The following MYO16 variants were observed in gnomAD, a reference collection of about 807,000 sequenced individuals.
MYO16 encodes myosin XVI.
A neutral mutation model predicts 205.3 loss-of-function variants in MYO16; 94 were observed. That is an observed-to-expected ratio of 0.46 (90% CI 0.39 to 0.54). The LOEUF (loss-of-function observed/expected upper bound fraction) is 0.54, where lower values mean the gene tolerates loss of function less well. Among genes scored for constraint, MYO16 ranks in the 20% least tolerant of loss-of-function variants. The pLI is 0.00. For missense variants in MYO16, 2,315 were observed against 2,387.5 expected, an observed-to-expected ratio of 0.97 and a Z score of 0.63; for synonymous variants, 988 against 954.0, an observed-to-expected ratio of 1.04 and a Z score of -0.66.
At chr13:109,101,779 C>T (rs183881912) in intron 28 of MYO16, 107 of 152,116 alleles carry the variant, frequency 7.0e-4, no homozygotes, top group African/African-American at 2.4e-3. Context: ...AAAAATATGA[C>T]GATTACTGGA....
In MYO16 at chr13:109,070,599, G is replaced by C. The variant is rs1887893662; in HGVS notation, c.3335+15004G>C. 2.6e-5 allele frequency among the ~76,000 whole-genome samples: 4 copies of C among 152,058 alleles called. No individual in the cohort carries two copies. In the South Asian group the frequency reaches 8.3e-4, roughly 32 times the overall value. Reference sequence around the variant, plus strand: ...TCTTTAGAGTGAGATAATGATCCCAGGTTTTGACATTGGGTGGGTTAATAA... The same window carrying C: ...TCTTTAGAGTGAGATAATGATCCCACGTTTTGACATTGGGTGGGTTAATAA... On this transcript the variant is annotated intron_variant, in intron 27 of 34. Transcript: ENST00000457511.
At chr13:109,010,933 C>CTATTATATATATTACATATAA (rs1885568452) in intron 22 of MYO16, among the ~76,000 whole-genome samples, 2 of 130,796 alleles carry the variant, frequency 1.5e-5, no homozygotes, top group Admixed American at 7.9e-5. Context: ...GGGCTGCTCT[C>CTATTATATATATTACATATAA]TATTATATAT....
At chr13:108,915,650 A>G (rs1425559832) in intron 16 of MYO16, among the ~76,000 whole-genome samples, 1 of 152,200 alleles carries the variant, frequency 6.6e-6, no homozygotes, top group Non-Finnish European at 1.5e-5. Context: ...TATCTTCAGC[A>G]TACTTTAAAT....
At chr13:109,135,211 G>A (rs868237306) in intron 31 of MYO16, among the ~76,000 whole-genome samples, 12 of 152,330 alleles carry the variant, frequency 7.9e-5, no homozygotes, top group Non-Finnish European at 8.8e-5. Context: ...GAGATCAGGC[G>A]ACACACAGTG....
intron 15 of MYO16, among the ~76,000 whole-genome samples, chr13:108,905,698 G>A (rs1488627568): frequency 6.6e-6 from 1 of 152,134 alleles, no homozygotes; most frequent in African/African-American, 2.4e-5. Flanking sequence ...GTCTCATATG[G>A]CTACTGTGGG....
rs1030598569 is a variant in MYO16, at chr13:108,925,942, A to G, written c.1925+15792A>G. On this transcript the variant is annotated intron_variant, in intron 16 of 34. Transcript: ENST00000457511. Reference sequence around the variant, plus strand: ...TCCAGTGTTTCCCTTGGACAGTAGAACAGAATTCATCCTCCTCCCCTGGGC... The same window carrying G: ...TCCAGTGTTTCCCTTGGACAGTAGAGCAGAATTCATCCTCCTCCCCTGGGC... Among the ~76,000 whole-genome samples the G allele has an allele frequency of 3.3e-5, 5 of 152,150 alleles. No homozygotes were observed. In the South Asian group the frequency reaches 1.0e-3, roughly 31 times the overall value.
chr13:108,629,950 G>A, intron 1 of MYO16, 78 bp downstream of exon 1: 1 of 1,331,032 alleles, frequency 7.5e-7, no homozygotes, highest in Non-Finnish European at 1.0e-6. Flanking sequence ...CAAAATTAAG[G>A]CAGTTCTCCT....
At chr13:108,779,989 A>G (rs1886249532) in intron 4 of MYO16, 1 of 152,326 alleles carries the variant, frequency 6.6e-6, no homozygotes, top group East Asian at 1.9e-4. Context: ...GCTTTCTGAC[A>G]GAGGCAAAGC....
At chr13:108,895,779 A>G (rs916357509) in intron 14 of MYO16, among the ~76,000 whole-genome samples, 4 of 152,224 alleles carry the variant, frequency 2.6e-5, no homozygotes. Context: ...ACATGCACAG[A>G]CACATCACCC....
intron 9 of MYO16, among the ~76,000 whole-genome samples, chr13:108,835,376 A>G (rs1876854334): frequency 6.6e-6 from 1 of 152,160 alleles, no homozygotes; most frequent in Non-Finnish European, 1.5e-5. Context: ...AATTTTCCTG[A>G]GGCCTCTTCA....
At chr13:108,867,485 T>A (rs1878779325) in intron 12 of MYO16, among the ~76,000 whole-genome samples, 1 of 152,142 alleles carries the variant, frequency 6.6e-6, no homozygotes, top group African/African-American at 2.4e-5. Context: ...CCTCACCCTG[T>A]GCAATCTAAG....
At chr13:108,759,779 C>T (rs1281485334) in intron 4 of MYO16, among the ~76,000 whole-genome samples, 1 of 149,828 alleles carries the variant, frequency 6.7e-6, no homozygotes, top group East Asian at 2.0e-4. Flanking sequence ...GAGATCGCGC[C>T]ACTGCACTCC....
chr13:108,838,678 A>AAATATAT (rs58487713), intron 9 of MYO16, among the ~76,000 whole-genome samples: 37 of 124,782 alleles, frequency 3.0e-4, no homozygotes, highest in African/African-American at 1.1e-3. Flanking sequence ...AAAAAAAAAA[A>AAATATAT]ATATATATAT....
chr13:108,978,840 G>A (rs1884359132), intron 20 of MYO16, among the ~76,000 whole-genome samples: 1 of 151,902 alleles, frequency 6.6e-6, no homozygotes, highest in Non-Finnish European at 1.5e-5. Context: ...AGGAGAGTTG[G>A]CTTTTGGATA....
At chr13:108,839,860 A>G (rs1385544514) in intron 9 of MYO16, among the ~76,000 whole-genome samples, 1 of 152,200 alleles carries the variant, frequency 6.6e-6, no homozygotes, top group African/African-American at 2.4e-5. Flanking sequence ...CTAACCATGG[A>G]ATAGTAACAA....
At chr13:108,522,740 A>G in the MYO16 span, among the ~76,000 whole-genome samples, 6 of 147,200 alleles carry the variant, frequency 4.1e-5, no homozygotes, top group South Asian at 1.1e-3. Flanking sequence ...TCTTCACAGG[A>G]TCCTTACCAT....
intron 4 of MYO16, among the ~76,000 whole-genome samples, chr13:108,768,220 C>T (rs774980036): frequency 1.3e-5 from 2 of 152,142 alleles, no homozygotes; most frequent in South Asian, 2.1e-4. Flanking sequence ...CAGCACTCCT[C>T]GGCTCCTTTG....
intron 1 of MYO16, among the ~76,000 whole-genome samples, chr13:108,606,870 C>T (rs1056231282): frequency 6.6e-6 from 1 of 152,108 alleles, no homozygotes; most frequent in Non-Finnish European, 1.5e-5. Flanking sequence ...CTGTACCCTG[C>T]AAAGCTACAG....
At position 108,888,383 on chromosome 13, in the gene MYO16, G is replaced by C; in HGVS notation, c.1565G>C (p.Gly522Ala). Residue 522 changes from glycine (G) to alanine (A), a missense_variant, in exon 14 of 35, where the codon GGA becomes GCA. Gly to Ala is a moderately conservative substitution (Grantham distance 60, BLOSUM62 0). Around this residue, in one of 3 missense-constraint regions of MYO16, gnomAD observed 1,213 missense variants for 1,274.4 expected, o/e 0.95. Transcript: ENST00000457511. ...PQCFILSGERGSGKSEASKQI... is the reference protein window; with the variant it reads ...PQCFILSGERASGKSEASKQI... The stretch of plus-strand genomic sequence containing the variant: ...TCTGTTTTCCTTAGTGGAGAAAGGG[G>C]ATCAGGAAAGTCTGAAGCCAGCAAA... The C allele has an allele frequency of 6.3e-7, 1 of 1,598,652 alleles. No individual in the cohort carries two copies. Among genetic ancestry groups the C allele is most frequent in the Non-Finnish European group, 8.5e-7 (1 of 1,173,078 alleles).
Sources: allele counts gnomAD v4.1 joint callset (sites outside exome capture counted in the v4.1 genomes callset), GRCh38; gene constraint gnomAD v4.1.1; regional missense constraint gnomAD v4.1.1; transcripts MANE v1.5; gene names NCBI Gene and HGNC (gene_info 2026-07-23, HGNC 2026-07-21).